Variants in SLC39A11 observed in about 807,000 individuals in gnomAD.
The protein encoded by SLC39A11 is solute carrier family 39 member 11, also known as zinc transporter ZIP11.
SLC39A11 carries 33 observed loss-of-function variants against 36.1 expected under a neutral mutation model. The ratio of observed to expected loss-of-function variants is 0.91; its 90% CI spans 0.69 to 1.22. The LOEUF (loss-of-function observed/expected upper bound fraction) is 1.22. Ranked by LOEUF, SLC39A11 falls within the 50% of genes most tolerant of loss-of-function variation. SLC39A11 has a pLI of 0.00. For synonymous variants in SLC39A11, 166 were observed against 170.3 expected, an observed-to-expected ratio of 0.97 and a Z score of 0.20; for missense variants, 432 against 430.3, an observed-to-expected ratio of 1.00 and a Z score of -0.03.
intron 6 of SLC39A11, among the ~76,000 whole-genome samples, chr17:72,819,829 G>T (rs2077705100): frequency 6.6e-6 from 1 of 151,230 alleles, no homozygotes; most frequent in African/African-American, 2.4e-5. Flanking sequence ...AGGAAATGAA[G>T]CTAGACAGTG....
chr17:72,742,456 TC>T (rs1259099572), intron 6 of SLC39A11, among the ~76,000 whole-genome samples: 1 of 152,152 alleles, frequency 6.6e-6, no homozygotes, highest in Non-Finnish European at 1.5e-5. Context: ...AGCCTGCTGT[TC>T]TCAACCTTGT....
Position 72,649,397 on chromosome 17 carries a change from G to A in SLC39A11, c.672-129C>T, listed in dbSNP as rs773728728. 6.1e-5 allele frequency: 43 copies of A among 700,728 alleles called. No individual in the cohort carries two copies. The South Asian group carries it at 7.9e-4, about 13-fold the overall frequency. 43.4% of individuals were successfully genotyped at this position (700,728 alleles called of 1,614,324 possible). A position where few individuals can be genotyped will look rare whatever the true frequency, so the allele number is the denominator to read the frequency against. Reference sequence around the variant, plus strand: ...GGAGGAGACCTGTGACCTGCAGTAGGAGAGGAAGGAGAAAGGTCAGGACGT... The same window carrying A: ...GGAGGAGACCTGTGACCTGCAGTAGAAGAGGAAGGAGAAAGGTCAGGACGT... On this transcript the variant is annotated intron_variant, in intron 7 of 9. Coordinates refer to ENST00000255559, the MANE Select transcript of SLC39A11 (RefSeq NM_139177.4).
chr17:72,678,652 C>A (rs921403111), intron 7 of SLC39A11, among the ~76,000 whole-genome samples: 2 of 151,918 alleles, frequency 1.3e-5, no homozygotes, highest in Non-Finnish European at 1.5e-5. Flanking sequence ...TTGTAGTGAG[C>A]CGAGATTGCG....
chr17:73,024,845 G>A (rs571258561), intron 4 of SLC39A11, among the ~76,000 whole-genome samples: 56 of 143,924 alleles, frequency 3.9e-4, no homozygotes, highest in African/African-American at 1.4e-3. Context: ...TTACAGACAC[G>A]CAACACCATG....
chr17:72,765,583 G>A (rs2075731670), intron 6 of SLC39A11, among the ~76,000 whole-genome samples: 1 of 152,174 alleles, frequency 6.6e-6, no homozygotes, highest in Non-Finnish European at 1.5e-5. Flanking sequence ...CTGCCTGGGG[G>A]TACTCTCCTT....
intron 7 of SLC39A11, among the ~76,000 whole-genome samples, chr17:72,708,347 G>A (rs1324470205): frequency 2.6e-5 from 4 of 152,154 alleles, no homozygotes; most frequent in Non-Finnish European, 5.9e-5. Context: ...AGTAGGAAAA[G>A]GAAAAATACT....
chr17:72,756,750 C>G (rs1310876427), intron 6 of SLC39A11, among the ~76,000 whole-genome samples: 2 of 152,152 alleles, frequency 1.3e-5, no homozygotes, highest in African/African-American at 2.4e-5. Flanking sequence ...AATCCAAAAC[C>G]ACAGCCTTAC....
intron 5 of SLC39A11, among the ~76,000 whole-genome samples, chr17:72,857,703 T>C (rs531661583): frequency 6.6e-6 from 1 of 152,346 alleles, no homozygotes; most frequent in Non-Finnish European, 1.5e-5. Flanking sequence ...TGGTATCTCA[T>C]TGTGGTTTTG....
intron 6 of SLC39A11, among the ~76,000 whole-genome samples, chr17:72,829,647 C>T (rs1024136384): frequency 1.3e-5 from 2 of 152,132 alleles, no homozygotes; most frequent in African/African-American, 2.4e-5. Flanking sequence ...TCTGGGATTC[C>T]GGACAGATCC....
chr17:73,068,415 C>T (rs1490805688), intron 3 of SLC39A11: 16 of 421,112 alleles, frequency 3.8e-5, no homozygotes, highest in Non-Finnish European at 6.3e-5. Flanking sequence ...GAAACATCAC[C>T]ACCAGTACAA....
At position 72,957,085 on chromosome 17, in the gene SLC39A11, C is replaced by T. The variant is rs182478452; in HGVS notation, c.307-9210G>A. 2.6e-4 allele frequency among the ~76,000 whole-genome samples: 39 copies of T among 152,244 alleles called. No individual in the cohort carries two copies. The East Asian group carries it at 6.8e-3, about 26-fold the overall frequency. ...GATTCTTCTTGGTGGGGCCTGTCAT[C>T]TTCCAGCAGACTAGATGGAGCTCAT... On this transcript the variant is annotated intron_variant, in intron 4 of 9. Coordinates refer to ENST00000255559, the MANE Select transcript of SLC39A11 (RefSeq NM_139177.4).
intron 2 of SLC39A11, among the ~76,000 whole-genome samples, chr17:73,087,329 C>T (rs568105168): frequency 1.3e-4 from 20 of 152,262 alleles, no homozygotes; most frequent in African/African-American, 4.6e-4. Flanking sequence ...AAATCAAGGC[C>T]TGCTGTACTG....
intron 6 of SLC39A11, among the ~76,000 whole-genome samples, chr17:72,738,625 G>A (rs764237948): frequency 6.6e-6 from 1 of 152,174 alleles, no homozygotes; most frequent in Non-Finnish European, 1.5e-5. Flanking sequence ...GCATCAGGGC[G>A]CTTCTGACAT....
rs5821936 is a variant in SLC39A11, at chr17:72,963,169, C to CTTTTTT, written c.307-15300_307-15295dup. Among the ~76,000 whole-genome samples, 77 of 114,502 alleles carry CTTTTTT rather than the reference C, an allele frequency of 6.7e-4. 2 individuals carry two copies. Among genetic ancestry groups the CTTTTTT allele is most frequent in the Non-Finnish European group, 8.8e-4 (53 of 60,268 alleles). 75.1% of individuals were successfully genotyped at this position (114,502 alleles called of 152,430 possible). ...TGGGGTATAATTCTTTTTTTCCTTT[C>CTTTTTT]TTTTTTTTTTTTTTTTTTTGAGATG... On this transcript the variant is annotated intron_variant, in intron 4 of 9. Transcript: ENST00000255559.
intron 5 of SLC39A11, among the ~76,000 whole-genome samples, 187 bp from the exon 6 acceptor site, chr17:72,849,991 T>G (rs1330975939): frequency 6.6e-6 from 1 of 150,714 alleles, no homozygotes; most frequent in Non-Finnish European, 1.5e-5. Context: ...CTTCCCGGGC[T>G]CAAGCCATCC....
chr17:72,670,529 A>G (rs1319422641), intron 7 of SLC39A11, among the ~76,000 whole-genome samples: 1 of 152,166 alleles, frequency 6.6e-6, no homozygotes, highest in Non-Finnish European at 1.5e-5. Context: ...ATTGAAATTT[A>G]TCTATAAGCA....
chr17:72,986,850 T>G (rs1314188477), intron 4 of SLC39A11, among the ~76,000 whole-genome samples: 2 of 152,162 alleles, frequency 1.3e-5, no homozygotes, highest in Non-Finnish European at 2.9e-5. Context: ...ACATGAGGGA[T>G]GAACTGGTTA....
At position 72,818,858 on chromosome 17, in the gene SLC39A11, C is replaced by T. The variant is rs116732639; in HGVS notation, c.601+30776G>A. 278 of 152,148 alleles carry T rather than the reference C, an allele frequency of 1.8e-3. 1 individual carries two copies. The highest frequency in any genetic ancestry group is 6.5e-3 in the African/African-American group (269 of 41,488). The allele number at this position is 152,148 out of a possible 1,614,324, so 9.4% of individuals were successfully genotyped here. ...TTTTAATGTCAGTTGTAGAATGATC[C>T]ATCCTTTTTATTTGTACAGTGTGAA... On this transcript the variant is annotated intron_variant, in intron 6 of 9. Coordinates refer to ENST00000255559, the MANE Select transcript of SLC39A11 (RefSeq NM_139177.4).
chr17:72,894,680 A>G (rs1216436543), intron 5 of SLC39A11, among the ~76,000 whole-genome samples: 7 of 151,536 alleles, frequency 4.6e-5, no homozygotes, highest in African/African-American at 1.7e-4. Flanking sequence ...AAAAAAAAAA[A>G]AAAAAAATTC....
Sources: allele counts gnomAD v4.1 joint callset (sites outside exome capture counted in the v4.1 genomes callset), GRCh38; gene constraint gnomAD v4.1.1; transcripts MANE v1.5; gene names NCBI Gene and HGNC (gene_info 2026-07-23, HGNC 2026-07-21).